BBC3: variants seen among roughly 807,000 people sequenced by gnomAD.
BBC3 encodes the protein BCL2 binding component 3.
In BBC3, 5 loss-of-function variants were observed where a neutral mutation model predicts 18.2. The observed-to-expected ratio is 0.27, with a 90% CI of 0.14 to 0.58. The LOEUF (loss-of-function observed/expected upper bound fraction) is 0.58. Among genes scored for constraint, BBC3 ranks in the 20% least tolerant of loss-of-function variants. BBC3 has a pLI of 0.91. For missense variants in BBC3, 224 were observed against 268.9 expected, an observed-to-expected ratio of 0.83 and a Z score of 1.17; for synonymous variants, 119 against 128.0, an observed-to-expected ratio of 0.93 and a Z score of 0.47.
intron 3 of BBC3, among the ~76,000 whole-genome samples, chr19:47,224,298 A>C (rs1000181215): frequency 1.3e-5 from 2 of 152,096 alleles, no homozygotes; most frequent in African/African-American, 4.8e-5. Flanking sequence ...TCTGTCTCAA[A>C]AAATAAATAA....
rs1002478149 is a variant in BBC3 at position 47,231,192 on chromosome 19, C to G, written c.-279G>C. The G allele has an allele frequency of 1.0e-6, 1 of 983,288 alleles. No individual in the cohort carries two copies. Among genetic ancestry groups the G allele is most frequent in the Non-Finnish European group, 1.2e-6 (1 of 828,944 alleles). 60.9% of individuals were successfully genotyped at this position (983,288 alleles called of 1,614,324 possible). On this transcript the variant is annotated 5_prime_UTR_variant, in exon 1 of 4. Coordinates refer to ENST00000439096, the MANE Select transcript of BBC3 (RefSeq NM_014417.5). This position sits in a 1 kb window ranked among gnomAD's most constrained non-coding sequence, Gnocchi z 4.0. Reference sequence around the variant, plus strand: ...GCGCCCGCTCGCATGTGGCTCGCGCCGCGTCTCAGGCCGCCCGGCGGATCC... The same window carrying G: ...GCGCCCGCTCGCATGTGGCTCGCGCGGCGTCTCAGGCCGCCCGGCGGATCC...
At position 47,230,423 on chromosome 19, in the gene BBC3, C is replaced by T. The variant is rs2058896612; in HGVS notation, c.-16+506G>A. On this transcript the variant is annotated intron_variant, in intron 1 of 3. Coordinates refer to ENST00000439096, the MANE Select transcript of BBC3 (RefSeq NM_014417.5). The surrounding 1 kb of genome is among the most constrained non-coding windows in gnomAD (Gnocchi z 6.7). ...CAGCCCCCCCCACCGCCGCCACGTG[C>T]GCCCGCCCCGCCCGCCAGGCGAGCG... Among the ~76,000 whole-genome samples, 1 of 151,090 alleles carries T rather than the reference C, an allele frequency of 6.6e-6. No individual in the cohort carries two copies.
intron 3 of BBC3, among the ~76,000 whole-genome samples, chr19:47,226,310 A>G (rs1204338731): frequency 1.3e-5 from 2 of 150,792 alleles, no homozygotes; most frequent in Admixed American, 6.6e-5. Flanking sequence ...GCGCAGCTCC[A>G]CTCCTCGGCG....
chr19:47,226,639 C>T lies in BBC3; in HGVS notation c.390G>A (p.Glu130=), dbSNP rs759787051. 1.9e-6 allele frequency: 3 copies of T among 1,551,290 alleles called. No homozygotes were observed. Among genetic ancestry groups the T allele is most frequent in the Admixed American group, 1.9e-5 (1 of 52,394 alleles). Reference sequence around the variant, plus strand: ...CCCCGATCTCCCGGGCCCACTGTTCCTCCTCCCCGCGGACTCCCGGGGCCG... The same window carrying T: ...CCCCGATCTCCCGGGCCCACTGTTCTTCCTCCCCGCGGACTCCCGGGGCCG... ...TQAAPGVRGE[E]EQWAREIGAQ... is the part of the protein sequence containing the mutation. The change falls in exon 3 of 4, where the codon GAG becomes GAA. Residue 130 remains glutamate (E), a synonymous_variant. Transcript: ENST00000439096.
At chr19:47,224,541 C>A (rs1302544792) in intron 3 of BBC3, among the ~76,000 whole-genome samples, 2 of 151,692 alleles carry the variant, frequency 1.3e-5, no homozygotes, top group Non-Finnish European at 2.9e-5. Flanking sequence ...CGGGAGGATC[C>A]CTTAAACCCA....
upstream of BBC3, chr19:47,232,533 C>A (rs776939586): frequency 3.2e-5 from 50 of 1,548,836 alleles, no homozygotes; most frequent in South Asian, 5.1e-4. Flanking sequence ...TGGCAGGGGA[C>A]CCACGTCGTG....
chr19:47,232,630 C>G (rs1325190714), upstream of BBC3: 1 of 1,518,798 alleles, frequency 6.6e-7, no homozygotes, highest in South Asian at 1.2e-5. Context: ...CATTCCGTTT[C>G]TTTTTCAGTT....
intron 1 of BBC3, among the ~76,000 whole-genome samples, chr19:47,229,219 A>T (rs775088017): frequency 6.6e-6 from 1 of 151,768 alleles, no homozygotes; most frequent in Non-Finnish European, 1.5e-5. Flanking sequence ...GTTCCCAAAC[A>T]TGCCCCTCTC....
At chr19:47,232,332 C>G (rs560861192), upstream of BBC3, among the ~76,000 whole-genome samples, 1 of 152,330 alleles carries the variant, frequency 6.6e-6, no homozygotes, top group Admixed American at 6.5e-5. Context: ...GCCTGGGCAA[C>G]AAGAGCAAAC....
intron 1 of BBC3, among the ~76,000 whole-genome samples, chr19:47,229,808 A>G (rs2058887604): frequency 6.6e-6 from 1 of 151,620 alleles, no homozygotes; most frequent in African/African-American, 2.4e-5. Context: ...ACCCCCCACC[A>G]CACACATACA....
intron 3 of BBC3, among the ~76,000 whole-genome samples, chr19:47,222,780 A>G (rs1278821856): frequency 6.6e-6 from 1 of 151,052 alleles, no homozygotes; most frequent in African/African-American, 2.4e-5. Flanking sequence ...AGCCTGACCT[A>G]CATGGAGAAA....
At chr19:47,231,574 C>T (rs2058916134), upstream of BBC3, among the ~76,000 whole-genome samples, 1 of 152,154 alleles carries the variant, frequency 6.6e-6, no homozygotes, top group African/African-American at 2.4e-5. This position sits in a 1 kb window ranked among gnomAD's most constrained non-coding sequence, Gnocchi z 4.0. Flanking sequence ...AAGTCACGTG[C>T]AGGCAGAGCC....
At chr19:47,222,921 G>A (rs2058768068) in intron 3 of BBC3, among the ~76,000 whole-genome samples, 2 of 140,158 alleles carry the variant, frequency 1.4e-5, no homozygotes, top group Admixed American at 7.7e-5. Context: ...AGCCGAGATC[G>A]TGCCATTGCA....
intron 3 of BBC3, among the ~76,000 whole-genome samples, chr19:47,225,274 C>T (rs2058800187): frequency 6.6e-6 from 1 of 151,714 alleles, no homozygotes; most frequent in Admixed American, 6.6e-5. Flanking sequence ...TCTCAAACTC[C>T]CAACCTCAAG....
chr19:47,226,188 G>T (rs1224876725), intron 3 of BBC3, among the ~76,000 whole-genome samples: 1 of 151,490 alleles, frequency 6.6e-6, no homozygotes, highest in Non-Finnish European at 1.5e-5. Context: ...CGAGAGGGAC[G>T]GCAGGGGGCG....
intron 3 of BBC3, 26 bp from the exon 4 acceptor site, chr19:47,221,944 G>A: frequency 1.3e-6 from 2 of 1,575,196 alleles, no homozygotes; most frequent in South Asian, 1.2e-5. Context: ...AGAAGGGGCA[G>A]TTAGCAGGGG....
Position 47,231,162 on chromosome 19 carries a change from G to C in BBC3, c.-249C>G, listed in dbSNP as rs891585882. ...GATCGCTGGTGCCGCCGCCGCCGCC[G>C]CCAGGCGCCCGCTCGCATGTGGCTC... On this transcript the variant is annotated 5_prime_UTR_variant, in exon 1 of 4. Transcript: ENST00000439096. The surrounding 1 kb of genome is among the most constrained non-coding windows in gnomAD (Gnocchi z 4.0). 1.1e-4 allele frequency: 111 copies of C among 984,710 alleles called. No homozygotes were observed. The highest frequency in any genetic ancestry group is 1.0e-3 in the Middle Eastern group (2 of 1,936). The allele number at this position is 984,710 out of a possible 1,614,324, so 61.0% of individuals were successfully genotyped here. A position where few individuals can be genotyped will look rare whatever the true frequency, so the allele number is the denominator to read the frequency against.
At chr19:47,223,351 GA>G (rs1182877630) in intron 3 of BBC3, among the ~76,000 whole-genome samples, 1 of 151,966 alleles carries the variant, frequency 6.6e-6, no homozygotes, top group African/African-American at 2.4e-5. Flanking sequence ...TGGATCACCT[GA>G]GGTCAGGAGT....
Position 47,228,396 on chromosome 19 carries a change from C to A in BBC3, c.36G>T (p.Glu12Asp), listed in dbSNP as rs1277762836. Residue 12 changes from glutamate to aspartate, a missense_variant, in exon 2 of 4, where the codon GAG becomes GAT. Physicochemically the swap from Glu to Asp is conservative, Grantham distance 45. Transcript: ENST00000439096. This position sits in a 1 kb window ranked among gnomAD's most constrained non-coding sequence, Gnocchi z 5.5. ...CGTCGCGGGCCAGGCCCTCTACGGG[C>A]TCCGGGGAGCTGCCCTCCTGGCGTG... is the stretch of plus-strand genomic sequence containing the variant. ...ARARQEGSSP[E>D]PVEGLARDGP... The A allele has an allele frequency of 2.3e-5, 28 of 1,231,584 alleles. No homozygotes were observed. Among genetic ancestry groups the A allele is most frequent in the Non-Finnish European group, 2.8e-5 (28 of 988,032 alleles). The allele number at this position is 1,231,584 out of a possible 1,614,324, so 76.3% of individuals were successfully genotyped here.
Sources: allele counts gnomAD v4.1 joint callset (sites outside exome capture counted in the v4.1 genomes callset), GRCh38; gene constraint gnomAD v4.1.1; non-coding constraint Gnocchi (gnomAD v3.1); transcripts MANE v1.5; gene names NCBI Gene and HGNC (gene_info 2026-07-23, HGNC 2026-07-21).